The following OR1J2 variants were observed in gnomAD, a reference collection of about 807,000 sequenced individuals.
The protein encoded by OR1J2 is olfactory receptor 1J2.
For synonymous variants in OR1J2, 142 were observed against 99.7 expected (o/e 1.42, Z -2.52); for missense variants, 304 against 246.1 (o/e 1.24, Z -1.57).
chr9:122,506,401 T>G (rs897724818), upstream of OR1J2, among the ~76,000 whole-genome samples: 2 of 152,166 alleles, frequency 1.3e-5, no homozygotes, highest in Non-Finnish European at 2.9e-5. Flanking sequence ...CAGTTCAATC[T>G]CCTACTCCCT....
the OR1J2 span, chr9:122,526,513 G>A: frequency 6.3e-7 from 1 of 1,594,374 alleles, no homozygotes; most frequent in South Asian, 1.2e-5. Context: ...GCAATGGAGG[G>A]AGGACACAGG....
chr9:122,568,793 C>T, the OR1J2 span: 1,408 of 232,904 alleles, frequency 6.0e-3, 18 homozygotes, highest in African/African-American at 0.03. Flanking sequence ...ATTCACCTGC[C>T]GGGGACATAG....
At chr9:122,469,768 T>A in the OR1J2 span, among the ~76,000 whole-genome samples, 3 of 152,192 alleles carry the variant, frequency 2.0e-5, no homozygotes, top group African/African-American at 7.2e-5. Flanking sequence ...TGGTCTCAGA[T>A]GGAGATGAGT....
the OR1J2 span, among the ~76,000 whole-genome samples, chr9:122,491,959 AAAAG>A: frequency 2.0e-5 from 3 of 152,046 alleles, no homozygotes; most frequent in Non-Finnish European, 2.9e-5. Flanking sequence ...GGTAGGATAA[AAAAG>A]AGAGAAAAAA....
At chr9:122,466,332 C>T in the OR1J2 span, among the ~76,000 whole-genome samples, 3 of 152,164 alleles carry the variant, frequency 2.0e-5, no homozygotes, top group African/African-American at 2.4e-5. Context: ...AACCAGATTA[C>T]GACTATTACA....
chr9:122,527,430 T>C, the OR1J2 span: 2 of 609,530 alleles, frequency 3.3e-6, no homozygotes, highest in South Asian at 2.1e-5. Context: ...CTGATCCTGC[T>C]TCTTTTCTCT....
the OR1J2 span, among the ~76,000 whole-genome samples, chr9:122,556,294 T>C: frequency 6.6e-6 from 1 of 151,060 alleles, no homozygotes; most frequent in Admixed American, 6.6e-5. Context: ...TTTTTTTTTT[T>C]CATGTGGATG....
chr9:122,526,888 G>T, the OR1J2 span: 1 of 1,614,194 alleles, frequency 6.2e-7, no homozygotes. Flanking sequence ...CAGACTTGGG[G>T]CCTCATGACT....
the OR1J2 span, among the ~76,000 whole-genome samples, chr9:122,504,973 T>A: frequency 2.0e-5 from 3 of 152,144 alleles, no homozygotes; most frequent in African/African-American, 7.2e-5. Flanking sequence ...TTTGCTAAGC[T>A]GCTACTGGCC....
At chr9:122,551,218 A>C in the OR1J2 span, among the ~76,000 whole-genome samples, 3 of 152,324 alleles carry the variant, frequency 2.0e-5, no homozygotes, top group South Asian at 6.2e-4. Flanking sequence ...GAAACCAACA[A>C]TGATACTAGA....
the OR1J2 span, among the ~76,000 whole-genome samples, chr9:122,549,676 A>G: frequency 6.6e-6 from 1 of 152,120 alleles, no homozygotes; most frequent in Non-Finnish European, 1.5e-5. Flanking sequence ...GGCTGTAAGT[A>G]TGTGGCTTTA....
chr9:122,453,176 T>C, the OR1J2 span, among the ~76,000 whole-genome samples: 1 of 152,216 alleles, frequency 6.6e-6, no homozygotes, highest in Non-Finnish European at 1.5e-5. Context: ...GAGCAGATGC[T>C]GGTGTCATGC....
the OR1J2 span, among the ~76,000 whole-genome samples, chr9:122,517,797 T>C: frequency 6.6e-6 from 1 of 152,124 alleles, no homozygotes; most frequent in East Asian, 1.9e-4. Flanking sequence ...CATGGTGGTT[T>C]GCTGCACCTA....
chr9:122,482,151 GAAAC>G, the OR1J2 span, among the ~76,000 whole-genome samples: 2 of 151,914 alleles, frequency 1.3e-5, no homozygotes, highest in Admixed American at 6.6e-5. Flanking sequence ...ATAAGGAACT[GAAAC>G]AACCCAATAG....
chr9:122,532,787 C>T, the OR1J2 span, among the ~76,000 whole-genome samples: 1 of 152,134 alleles, frequency 6.6e-6, no homozygotes, highest in African/African-American at 2.4e-5. Context: ...AGAAAGGCTA[C>T]AGGGTGCGGT....
the OR1J2 span, among the ~76,000 whole-genome samples, chr9:122,534,766 A>G: frequency 6.6e-6 from 1 of 152,064 alleles, no homozygotes; most frequent in Non-Finnish European, 1.5e-5. Context: ...AAGAAGGAAG[A>G]TTTCGGACGA....
the OR1J2 span, chr9:122,519,012 A>G: frequency 4.5e-6 from 3 of 663,034 alleles, no homozygotes; most frequent in African/African-American, 3.6e-5. Flanking sequence ...GGACATAGCA[A>G]TGTAGACAGA....
the OR1J2 span, among the ~76,000 whole-genome samples, chr9:122,458,985 C>A: frequency 6.6e-6 from 1 of 152,104 alleles, no homozygotes; most frequent in Non-Finnish European, 1.5e-5. Context: ...ATCCTCCCTA[C>A]CCTTTGCACT....
the OR1J2 span, among the ~76,000 whole-genome samples, chr9:122,558,311 C>CTTTTTTTTTTT: frequency 2.3e-4 from 8 of 34,472 alleles, 2 homozygotes; most frequent in East Asian, 2.6e-3. Context: ...TTGGATTTTG[C>CTTTTTTTTTTT]TTTTTTTTTT....
Sources: allele counts gnomAD v4.1 joint callset (sites outside exome capture counted in the v4.1 genomes callset), GRCh38; gene constraint gnomAD v4.1.1; transcripts MANE v1.5; gene names NCBI Gene and HGNC (gene_info 2026-07-23, HGNC 2026-07-21).